Variants in SEL1L observed in about 807,000 individuals in gnomAD.
The protein encoded by SEL1L is SEL1L adaptor subunit of SYVN1 ubiquitin ligase.
A neutral mutation model predicts 109.8 loss-of-function variants in SEL1L; 52 were observed. That is an observed-to-expected ratio of 0.47 (90% CI 0.38 to 0.60). The LOEUF (loss-of-function observed/expected upper bound fraction) is 0.60, where lower values mean the gene tolerates loss of function less well. Among genes scored for constraint, SEL1L ranks in the 20% least tolerant of loss-of-function variants. The probability of loss-of-function intolerance (pLI) is 0.00; values close to 1 mark genes in which losing one functional copy is unlikely to be tolerated. For missense variants in SEL1L, 749 were observed against 962.2 expected (o/e 0.78, Z 2.93); for synonymous variants, 373 against 339.6 (o/e 1.10, Z -1.08).
At chr14:81,502,175 A>C (rs148044330) in intron 6 of SEL1L, among the ~76,000 whole-genome samples, 1 of 152,160 alleles carries the variant, frequency 6.6e-6, no homozygotes, top group Non-Finnish European at 1.5e-5. Flanking sequence ...GTGATATCTC[A>C]TTTTAATAAA....
At chr14:81,522,155 A>G (rs998786002) in intron 3 of SEL1L, among the ~76,000 whole-genome samples, 1 of 152,244 alleles carries the variant, frequency 6.6e-6, no homozygotes, top group Non-Finnish European at 1.5e-5. Flanking sequence ...CTAAAACATA[A>G]AAGTTTATAA....
intron 1 of SEL1L, among the ~76,000 whole-genome samples, chr14:81,529,912 A>G (rs933037422): frequency 9.9e-5 from 15 of 152,250 alleles, no homozygotes; most frequent in African/African-American, 3.6e-4. Context: ...GCAAACAGTA[A>G]TGTTTTCATC....
chr14:81,513,441 G>A lies in SEL1L; in HGVS notation c.341-7200C>T, dbSNP rs1456264625. 2.6e-5 allele frequency among the ~76,000 whole-genome samples: 4 copies of A among 152,138 alleles called. No homozygotes were observed. In the East Asian group the frequency reaches 7.7e-4, roughly 29 times the overall value. ...AGTCAGTGAGACCACGAACCCACAG[G>A]AGGAACAAACAACTCCAGACGCGCC... On this transcript the variant is annotated intron_variant, in intron 3 of 20. Coordinates refer to ENST00000336735, the MANE Select transcript of SEL1L (RefSeq NM_005065.6).
chr14:81,490,505 T>A (rs1201583309), intron 12 of SEL1L, 40 bp from the exon 13 acceptor site: 1 of 1,429,370 alleles, frequency 7.0e-7, no homozygotes, highest in Non-Finnish European at 9.9e-7. Context: ...GCTGTAACCC[T>A]CTCTCCAATT....
intron 3 of SEL1L, among the ~76,000 whole-genome samples, chr14:81,512,070 T>A (rs1488267155): frequency 6.6e-6 from 1 of 152,248 alleles, no homozygotes. Context: ...ATTTTGTGTG[T>A]CAACCTGGCT....
intron 3 of SEL1L, among the ~76,000 whole-genome samples, chr14:81,516,089 A>C (rs1884689291): frequency 6.6e-6 from 1 of 152,210 alleles, no homozygotes; most frequent in Admixed American, 6.5e-5. Flanking sequence ...TGCCGAGGCA[A>C]TCACTGGAAG....
At chr14:81,482,450 G>A (rs764957767) in intron 19 of SEL1L, among the ~76,000 whole-genome samples, 18 of 152,138 alleles carry the variant, frequency 1.2e-4, no homozygotes, top group East Asian at 5.8e-4. Flanking sequence ...AGGCCAAGGC[G>A]CTTAAGTCCC....
chr14:81,489,612 A>G (rs749844354), intron 13 of SEL1L, among the ~76,000 whole-genome samples: 10 of 152,218 alleles, frequency 6.6e-5, no homozygotes, highest in Non-Finnish European at 2.9e-5. Flanking sequence ...AAGCATGACT[A>G]ATGTATTTCA....
intron 4 of SEL1L, among the ~76,000 whole-genome samples, chr14:81,505,255 A>G (rs1251272598): frequency 6.6e-6 from 1 of 152,236 alleles, no homozygotes; most frequent in Non-Finnish European, 1.5e-5. Context: ...CAAGTTCACC[A>G]ATTTTTCAAA....
At chr14:81,494,042 T>C (rs951313642) in intron 11 of SEL1L, among the ~76,000 whole-genome samples, 1 of 152,146 alleles carries the variant, frequency 6.6e-6, no homozygotes, top group East Asian at 1.9e-4. Context: ...TCACACACCA[T>C]CGAGATGATG....
At chr14:81,502,333 A>G (rs1245613731) in intron 6 of SEL1L, among the ~76,000 whole-genome samples, 1 of 152,212 alleles carries the variant, frequency 6.6e-6, no homozygotes. Flanking sequence ...CCTATAATGG[A>G]CATGTACTGC....
At chr14:81,499,820 T>A (rs1883927935) in intron 6 of SEL1L, among the ~76,000 whole-genome samples, 158 bp from the exon 7 acceptor site, 1 of 152,110 alleles carries the variant, frequency 6.6e-6, no homozygotes, top group Non-Finnish European at 1.5e-5. Context: ...TTAAAGAGCC[T>A]TGGAAAAGCA....
intron 3 of SEL1L, among the ~76,000 whole-genome samples, chr14:81,510,764 G>A (rs1291554124): frequency 2.0e-5 from 3 of 152,048 alleles, no homozygotes; most frequent in African/African-American, 7.2e-5. Flanking sequence ...AGAGTACTAA[G>A]TAGCATATGA....
Position 81,489,300 on chromosome 14 carries a change from T to C in SEL1L, c.1347A>G (p.Gly449=). 1 of 1,614,100 alleles carries C rather than the reference T, an allele frequency of 6.2e-7. No individual in the cohort carries two copies. The highest frequency in any genetic ancestry group is 8.5e-7 in the Non-Finnish European group (1 of 1,179,956). The change falls in exon 14 of 21, where the codon GGA becomes GGG. Residue 449 remains glycine (G), a synonymous_variant. Coordinates refer to ENST00000336735, the MANE Select transcript of SEL1L (RefSeq NM_005065.6). The stretch of plus-strand genomic sequence containing the variant: ...GGTAGGCCATTCCAAGCCCACTCTG[T>C]CCAACTGGGTTGCCCTGCAAAGCAG... The part of the protein sequence containing the change: ...KKAADMGNPV[G]QSGLGMAYLY...
intron 3 of SEL1L, among the ~76,000 whole-genome samples, chr14:81,518,425 C>T (rs1266004078): frequency 2.0e-5 from 3 of 151,296 alleles, no homozygotes; most frequent in Admixed American, 1.3e-4. Flanking sequence ...TTTGGGAGGC[C>T]GAGGTGGGTG....
At chr14:81,531,768 C>T (rs1885333327) in intron 1 of SEL1L, among the ~76,000 whole-genome samples, 1 of 152,136 alleles carries the variant, frequency 6.6e-6, no homozygotes, top group Non-Finnish European at 1.5e-5. Context: ...GTCTTGAACT[C>T]CTGGGCTCAA....
chr14:81,525,761 A>T (rs187627648), intron 3 of SEL1L, among the ~76,000 whole-genome samples: 244 of 152,326 alleles, frequency 1.6e-3, no homozygotes, highest in African/African-American at 5.6e-3. Flanking sequence ...GCCATTAACT[A>T]TCAAATTGAA....
intron 1 of SEL1L, among the ~76,000 whole-genome samples, chr14:81,532,966 G>A (rs541758513): frequency 2.6e-5 from 4 of 152,232 alleles, no homozygotes; most frequent in South Asian, 4.2e-4. Flanking sequence ...AGCAGAACCA[G>A]AATAAACATT....
intron 3 of SEL1L, among the ~76,000 whole-genome samples, chr14:81,522,051 T>C (rs539260053): frequency 6.6e-6 from 1 of 152,288 alleles, no homozygotes; most frequent in Non-Finnish European, 1.5e-5. Context: ...AAACAGCTTA[T>C]AGAATAAGGA....
Sources: allele counts gnomAD v4.1 joint callset (sites outside exome capture counted in the v4.1 genomes callset), GRCh38; gene constraint gnomAD v4.1.1; transcripts MANE v1.5; gene names NCBI Gene and HGNC (gene_info 2026-07-23, HGNC 2026-07-21).